SGMS1: variants seen among roughly 807,000 people sequenced by gnomAD.
SGMS1 encodes the protein phosphatidylcholine:ceramide cholinephosphotransferase 1.
A neutral mutation model predicts 46.2 loss-of-function variants in SGMS1; 13 were observed. The observed-to-expected ratio is 0.28, with a 90% CI of 0.18 to 0.45. The LOEUF is 0.45. Among genes scored for constraint, SGMS1 ranks in the 20% least tolerant of loss-of-function variants. SGMS1 has a pLI of 1.00. For synonymous variants in SGMS1, 203 were observed against 187.8 expected (o/e 1.08, Z -0.66); for missense variants, 324 against 519.9 (o/e 0.62, Z 3.66).
chr10:50,597,195 G>A (rs1564440946), intron 1 of SGMS1, among the ~76,000 whole-genome samples: 1 of 152,198 alleles, frequency 6.6e-6, no homozygotes. Context: ...GGCACAAGAT[G>A]TATGAATGCC....
At chr10:50,522,876 G>A (rs922160847) in intron 2 of SGMS1, among the ~76,000 whole-genome samples, 2 of 152,090 alleles carry the variant, frequency 1.3e-5, no homozygotes, top group African/African-American at 2.4e-5. Context: ...AGTAGCAGCT[G>A]CTCTCTGCAG....
At chr10:50,406,635 T>G (rs1182595631) in intron 6 of SGMS1, among the ~76,000 whole-genome samples, 2 of 152,200 alleles carry the variant, frequency 1.3e-5, no homozygotes, top group East Asian at 3.8e-4. Context: ...CTGCTATTTC[T>G]ATAGAGTTCT....
chr10:50,372,947 T>TAA (rs5784830), intron 6 of SGMS1, among the ~76,000 whole-genome samples: 7 of 151,588 alleles, frequency 4.6e-5, no homozygotes, highest in South Asian at 4.2e-4. Context: ...TGCTATAATA[T>TAA]AAAAAAAATA....
chr10:50,545,067 T>C lies in SGMS1; in HGVS notation c.-588-25146A>G, dbSNP rs1254917358. Among the ~76,000 whole-genome samples, 4 of 151,952 alleles carry C rather than the reference T, an allele frequency of 2.6e-5. No individual in the cohort carries two copies. In the East Asian group the frequency reaches 7.7e-4, roughly 29 times the overall value. ...GCACGTGTACAATAAAAGCAAGAAA[T>C]GAGGACACAGTAGCTTTGAGGATGA... On this transcript the variant is annotated intron_variant, in intron 2 of 10. Coordinates refer to ENST00000361781, the MANE Select transcript of SGMS1 (RefSeq NM_147156.4).
At chr10:50,507,701 C>A (rs1588857874) in intron 3 of SGMS1, among the ~76,000 whole-genome samples, 1 of 152,156 alleles carries the variant, frequency 6.6e-6, no homozygotes, top group Non-Finnish European at 1.5e-5. Context: ...CAACTACCAG[C>A]CAATAGCCTG....
At chr10:50,384,899 T>C (rs59725568) in intron 6 of SGMS1, among the ~76,000 whole-genome samples, 9,141 of 152,248 alleles carry the variant, frequency 0.06, 633 homozygotes, top group African/African-American at 0.17. Context: ...ATGGTTAGAA[T>C]TCTGTTAACT....
chr10:50,377,946 T>A (rs1358496857), intron 6 of SGMS1, among the ~76,000 whole-genome samples: 2 of 152,198 alleles, frequency 1.3e-5, no homozygotes, highest in African/African-American at 4.8e-5. Context: ...ATGATTGCAT[T>A]TAGGGCTTAC....
chr10:50,327,227 A>G lies in SGMS1; in HGVS notation c.719T>C (p.Met240Thr), dbSNP rs1392327105. The change falls in exon 8 of 11, where the codon ATG becomes ACG. Residue 240 changes from methionine to threonine, a missense_variant. Coordinates refer to ENST00000361781, the MANE Select transcript of SGMS1 (RefSeq NM_147156.4). The stretch of plus-strand genomic sequence containing the variant: ...TACCTTCGGAGAACAGTTGAAATGC[A>G]TACCAGGTACTGGGAGTGTAGTTAC... ...MYVTTLPVPG[M>T]HFNCSPKLFG... 62 of 1,593,014 alleles carry G rather than the reference A, an allele frequency of 3.9e-5. No individual in the cohort carries two copies. The highest frequency in any genetic ancestry group is 5.2e-5 in the Non-Finnish European group (61 of 1,163,080).
intron 6 of SGMS1, among the ~76,000 whole-genome samples, chr10:50,403,417 C>A (rs1383132677): frequency 1.3e-5 from 2 of 152,138 alleles, no homozygotes; most frequent in Non-Finnish European, 2.9e-5. Flanking sequence ...TCTAGGGGTA[C>A]ATTTGTCAGG....
intron 6 of SGMS1, among the ~76,000 whole-genome samples, chr10:50,400,010 C>A (rs1405245457): frequency 2.8e-5 from 4 of 143,388 alleles, no homozygotes; most frequent in Non-Finnish European, 6.0e-5. Context: ...GCCTGGGCGA[C>A]ACAGTGAGAC....
intron 3 of SGMS1, among the ~76,000 whole-genome samples, chr10:50,471,271 T>C (rs1418779075): frequency 6.6e-6 from 1 of 152,198 alleles, no homozygotes; most frequent in African/African-American, 2.4e-5. Context: ...TATCCCTTCA[T>C]TCGGCAAACA....
At chr10:50,437,112 T>A (rs1849483511) in intron 5 of SGMS1, among the ~76,000 whole-genome samples, 1 of 152,198 alleles carries the variant, frequency 6.6e-6, no homozygotes, top group African/African-American at 2.4e-5. Context: ...AGTAAACGCT[T>A]ATTAAATGTT....
intron 2 of SGMS1, among the ~76,000 whole-genome samples, chr10:50,589,539 G>A (rs1275394178): frequency 6.6e-6 from 1 of 151,358 alleles, no homozygotes; most frequent in Non-Finnish European, 1.5e-5. Context: ...GCTCCATCAC[G>A]GCTCACTACA....
At chr10:50,342,620 C>T (rs925144953) in intron 7 of SGMS1, 56 of 152,134 alleles carry the variant, frequency 3.7e-4, no homozygotes, top group African/African-American at 1.3e-3. Flanking sequence ...AATATTTAAC[C>T]ACATGGTGGA....
chr10:50,348,946 A>T (rs1401606903), intron 6 of SGMS1, among the ~76,000 whole-genome samples: 1 of 152,224 alleles, frequency 6.6e-6, no homozygotes, highest in Non-Finnish European at 1.5e-5. Flanking sequence ...CCAAAACAGC[A>T]TGGTACTGGT....
At chr10:50,448,742 C>CAAA (rs35580756) in intron 5 of SGMS1, among the ~76,000 whole-genome samples, 2,768 of 58,180 alleles carry the variant, frequency 0.048, 69 homozygotes, top group Admixed American at 0.12. Context: ...GAAACTCCGC[C>CAAA]AAAAAAAAAA....
chr10:50,485,054 G>T (rs560571228), intron 3 of SGMS1, among the ~76,000 whole-genome samples: 107 of 152,230 alleles, frequency 7.0e-4, no homozygotes, highest in African/African-American at 2.3e-3. Context: ...GGGCAATAGG[G>T]CAAGAGAAAG....
chr10:50,550,235 T>G (rs1838136897), intron 2 of SGMS1, among the ~76,000 whole-genome samples: 1 of 152,238 alleles, frequency 6.6e-6, no homozygotes, highest in Admixed American at 6.5e-5. Context: ...GACTGCTTAA[T>G]CACTAACTTT....
intron 6 of SGMS1, among the ~76,000 whole-genome samples, chr10:50,398,091 A>AT (rs1848872794): frequency 6.6e-6 from 1 of 152,054 alleles, no homozygotes; most frequent in Non-Finnish European, 1.5e-5. Context: ...CATTCTGCAA[A>AT]TTTTTTCTCT....
Sources: gnomAD v4.1 joint callset for allele counts (sites outside exome capture counted in the v4.1 genomes callset) on GRCh38, gnomAD v4.1.1 for gene constraint, MANE v1.5 for transcripts, NCBI Gene and HGNC (gene_info 2026-07-23, HGNC 2026-07-21) for gene names.